The following MAGI2 variants were observed in gnomAD, a reference collection of about 807,000 sequenced individuals.
The protein encoded by MAGI2 is membrane-associated guanylate kinase, WW and PDZ domain-containing protein 2.
A neutral mutation model predicts 133.3 loss-of-function variants in MAGI2; 35 were observed. The ratio of observed to expected loss-of-function variants is 0.26; its 90% CI spans 0.20 to 0.35. The LOEUF (loss-of-function observed/expected upper bound fraction) is 0.35. MAGI2 is among the 10% of genes least tolerant of loss of function. The probability of loss-of-function intolerance (pLI) is 1.00; values close to 1 mark genes in which losing one functional copy is unlikely to be tolerated. For synonymous variants in MAGI2, 729 were observed against 710.6 expected (o/e 1.03, Z -0.41); for missense variants, 1,636 against 1,863.4 (o/e 0.88, Z 2.25).
intron 21 of MAGI2, among the ~76,000 whole-genome samples, chr7:78,044,864 C>G (rs1309611342): frequency 3.3e-5 from 5 of 152,228 alleles, no homozygotes; most frequent in Non-Finnish European, 7.3e-5. Context: ...TTTGATAAGT[C>G]TGTCTCAGAA....
chr7:79,349,351 C>A (rs535817359), intron 1 of MAGI2, among the ~76,000 whole-genome samples: 2 of 151,856 alleles, frequency 1.3e-5, no homozygotes, highest in African/African-American at 2.4e-5. Context: ...AATCTGGTTG[C>A]TATTTCTATC....
At chr7:78,298,026 T>C (rs953976950) in intron 9 of MAGI2, among the ~76,000 whole-genome samples, 1 of 151,622 alleles carries the variant, frequency 6.6e-6, no homozygotes, top group Non-Finnish European at 1.5e-5. Flanking sequence ...AAGATTAACA[T>C]TAACAAGCAA....
chr7:79,028,265 A>ATATATGTATG (rs1434615900), intron 1 of MAGI2, among the ~76,000 whole-genome samples: 8 of 23,044 alleles, frequency 3.5e-4, no homozygotes, highest in Admixed American at 8.1e-4. Context: ...ATATATATAT[A>ATATATGTATG]TATGTATGTA....
At chr7:78,787,891 T>C (rs527895185) in intron 2 of MAGI2, among the ~76,000 whole-genome samples, 49 of 152,338 alleles carry the variant, frequency 3.2e-4, no homozygotes, top group African/African-American at 1.0e-3. Context: ...GAAGTTTAAT[T>C]ATTAAAAATA....
intron 2 of MAGI2, among the ~76,000 whole-genome samples, chr7:78,980,553 A>G (rs1804691853): frequency 6.6e-6 from 1 of 151,882 alleles, no homozygotes. Flanking sequence ...CGCTAATGAC[A>G]TCTCTCCATT....
chr7:78,808,978 A>T (rs910076063), intron 2 of MAGI2, among the ~76,000 whole-genome samples: 1 of 152,228 alleles, frequency 6.6e-6, no homozygotes, highest in Admixed American at 6.5e-5. Flanking sequence ...TCAATTAAAC[A>T]TGGCCCAGAT....
chr7:79,117,676 T>C (rs1819526695), intron 1 of MAGI2, among the ~76,000 whole-genome samples: 1 of 152,196 alleles, frequency 6.6e-6, no homozygotes, highest in African/African-American at 2.4e-5. Context: ...TTTCCTCTTA[T>C]TAATTTCCTC....
rs1342246318 is a variant in MAGI2 at position 79,367,875 on chromosome 7, A to ATATATG, written c.301+85144_301+85145insCATATA. On this transcript the variant is annotated intron_variant, in intron 1 of 21. Transcript: ENST00000354212. ...ATATGTGACATATATATATATATAT[A>ATATATG]TGTCATTGACTGGTCAGTCTTCTTC... Among the ~76,000 whole-genome samples the ATATATG allele has an allele frequency of 3.3e-5, 4 of 122,084 alleles. 1 individual carries two copies. The highest frequency in any genetic ancestry group is 5.7e-4 in the South Asian group (2 of 3,496). The allele number at this position is 122,084 out of a possible 152,430, so 80.1% of individuals were successfully genotyped here. A position where few individuals can be genotyped will look rare whatever the true frequency, so the allele number is the denominator to read the frequency against.
At chr7:78,232,190 C>T (rs972384712) in intron 10 of MAGI2, among the ~76,000 whole-genome samples, 2 of 152,132 alleles carry the variant, frequency 1.3e-5, no homozygotes, top group African/African-American at 4.8e-5. Flanking sequence ...GGGCAAATAG[C>T]TAAACACTGT....
At chr7:78,208,135 C>CTTTTTTTTTT in intron 10 of MAGI2, among the ~76,000 whole-genome samples, 1 of 115,586 alleles carries the variant, frequency 8.7e-6, no homozygotes, top group Non-Finnish European at 1.7e-5. Flanking sequence ...CCCAAAGTGG[C>CTTTTTTTTTT]TTTTTTTTTT....
intron 1 of MAGI2, among the ~76,000 whole-genome samples, chr7:79,145,261 C>T (rs1822510132): frequency 6.6e-6 from 1 of 152,106 alleles, no homozygotes; most frequent in Non-Finnish European, 1.5e-5. Context: ...TCTTCCATTT[C>T]ACCTTTCTTC....
chr7:78,920,457 A>G (rs1409300792), intron 2 of MAGI2, among the ~76,000 whole-genome samples: 1 of 152,168 alleles, frequency 6.6e-6, no homozygotes, highest in African/African-American at 2.4e-5. Context: ...TGATCCACAC[A>G]GTTGAATACT....
At chr7:78,784,894 T>C (rs1826683792) in intron 2 of MAGI2, among the ~76,000 whole-genome samples, 2 of 152,196 alleles carry the variant, frequency 1.3e-5, no homozygotes, top group South Asian at 4.1e-4. Flanking sequence ...TGAGGAAAGG[T>C]ATAATCTTTC....
chr7:78,528,690 T>A (rs958958849), intron 3 of MAGI2, among the ~76,000 whole-genome samples: 3 of 152,118 alleles, frequency 2.0e-5, no homozygotes, highest in Admixed American at 1.3e-4. Context: ...TGTAAGCAGC[T>A]CTGATGCTTA....
intron 2 of MAGI2, among the ~76,000 whole-genome samples, chr7:78,785,625 C>T (rs970339599): frequency 8.5e-5 from 13 of 152,070 alleles, no homozygotes; most frequent in South Asian, 2.1e-4. Flanking sequence ...GCTTCTCTCA[C>T]GGTTATATCT....
intron 1 of MAGI2, among the ~76,000 whole-genome samples, chr7:79,202,487 G>T (rs1176047699): frequency 6.6e-6 from 1 of 151,824 alleles, no homozygotes; most frequent in East Asian, 1.9e-4. Flanking sequence ...GAAAAGGTTT[G>T]GGATGTGTTT....
In MAGI2 at chr7:79,325,915, G is replaced by A. The variant is rs574115567; in HGVS notation, c.301+127105C>T. On this transcript the variant is annotated intron_variant, in intron 1 of 21. Transcript: ENST00000354212. ...CATTATTGTGAAAACTCAACAACATGATAATTAACCACATTGAGTGCTGGG... is the reference window on the plus strand; with the variant it reads ...CATTATTGTGAAAACTCAACAACATAATAATTAACCACATTGAGTGCTGGG... 9.9e-5 allele frequency among the ~76,000 whole-genome samples: 15 copies of A among 152,184 alleles called. No homozygotes were observed. In the East Asian group the frequency reaches 2.7e-3, roughly 27 times the overall value.
At chr7:78,903,255 G>T (rs1228337785) in intron 2 of MAGI2, among the ~76,000 whole-genome samples, 2 of 126,372 alleles carry the variant, frequency 1.6e-5, no homozygotes, top group African/African-American at 3.1e-5. Flanking sequence ...CTGCAGTGGC[G>T]CTGTCTTGGC....
chr7:78,776,381 C>A (rs1405744119), intron 2 of MAGI2, among the ~76,000 whole-genome samples: 1 of 152,184 alleles, frequency 6.6e-6, no homozygotes, highest in East Asian at 1.9e-4. Context: ...TCATAAACTA[C>A]ATGTATTTCT....
Sources: allele counts gnomAD v4.1 joint callset (sites outside exome capture counted in the v4.1 genomes callset), GRCh38; gene constraint gnomAD v4.1.1; transcripts MANE v1.5; gene names NCBI Gene and HGNC (gene_info 2026-07-23, HGNC 2026-07-21).